JARID2: variants seen among roughly 807,000 people sequenced by gnomAD.
JARID2 encodes jumonji and AT-rich interaction domain containing 2.
In JARID2, 21 loss-of-function variants were observed where a neutral mutation model predicts 125.6. That is an observed-to-expected ratio of 0.17 (90% CI 0.12 to 0.24). The LOEUF is 0.24. JARID2 is among the 10% of genes least tolerant of loss of function. The probability of loss-of-function intolerance (pLI) is 1.00; values close to 1 mark genes in which losing one functional copy is unlikely to be tolerated. For synonymous variants in JARID2, 736 were observed against 661.6 expected (o/e 1.11, Z -1.73); for missense variants, 1,303 against 1,639.6 (o/e 0.79, Z 3.55).
intron 2 of JARID2, among the ~76,000 whole-genome samples, chr6:15,387,490 C>T (rs532881670): frequency 1.3e-5 from 2 of 152,222 alleles, no homozygotes; most frequent in South Asian, 4.2e-4. Context: ...GGACTCCAGC[C>T]CTCTCAGGTC....
intron 16 of JARID2, 57 bp downstream of exon 16, chr6:15,513,479 C>T (rs1435280806): frequency 1.5e-5 from 22 of 1,495,736 alleles, no homozygotes; most frequent in African/African-American, 2.8e-5. Flanking sequence ...CTGAGAGCTC[C>T]GGGGTTGCCC....
intron 1 of JARID2, among the ~76,000 whole-genome samples, chr6:15,275,524 G>GC (rs1364021178): frequency 0.021 from 141 of 6,754 alleles, 4 homozygotes; most frequent in African/African-American, 0.023. Context: ...TCCATTTACC[G>GC]CCCCCCCCGC....
At chr6:15,484,940 T>G (rs1011119905) in intron 5 of JARID2, among the ~76,000 whole-genome samples, 2 of 152,240 alleles carry the variant, frequency 1.3e-5, no homozygotes, top group African/African-American at 2.4e-5. Context: ...ATTGCCTAGA[T>G]TCATGTTCCC....
intron 1 of JARID2, among the ~76,000 whole-genome samples, chr6:15,332,350 A>G (rs1762737272): frequency 6.6e-6 from 1 of 152,230 alleles, no homozygotes; most frequent in African/African-American, 2.4e-5. Context: ...ATGAATTAGA[A>G]TATATCATGT....
At chr6:15,260,631 G>A (rs760710706) in intron 1 of JARID2, among the ~76,000 whole-genome samples, 6 of 152,154 alleles carry the variant, frequency 3.9e-5, no homozygotes, top group Non-Finnish European at 7.3e-5. Context: ...AACTTGCAAA[G>A]CTTCATGTTC....
intron 4 of JARID2, 109 bp downstream of exon 4, chr6:15,452,284 C>A: frequency 6.9e-7 from 1 of 1,459,400 alleles, no homozygotes; most frequent in Non-Finnish European, 9.0e-7. Context: ...TTTTTCTGTC[C>A]CCAACCTGGG....
chr6:15,276,975 C>G (rs1287591230), intron 1 of JARID2, among the ~76,000 whole-genome samples: 2 of 152,200 alleles, frequency 1.3e-5, no homozygotes, highest in African/African-American at 4.8e-5. Flanking sequence ...AAGGCGAAAG[C>G]TTGTTACCAT....
At chr6:15,369,979 C>A (rs1444594053) in intron 1 of JARID2, among the ~76,000 whole-genome samples, 2 of 152,120 alleles carry the variant, frequency 1.3e-5, no homozygotes, top group African/African-American at 4.8e-5. Context: ...GGCTGAGCCC[C>A]TTGGGATTAG....
intron 2 of JARID2, among the ~76,000 whole-genome samples, chr6:15,388,119 CT>C (rs1764858186): frequency 6.6e-6 from 1 of 152,222 alleles, no homozygotes; most frequent in African/African-American, 2.4e-5. Context: ...TCTTCGAATT[CT>C]GTGATATGTG....
At chr6:15,314,272 A>G (rs1022695732) in intron 1 of JARID2, among the ~76,000 whole-genome samples, 3 of 152,158 alleles carry the variant, frequency 2.0e-5, no homozygotes, top group African/African-American at 4.8e-5. Flanking sequence ...CACTACTTCA[A>G]ATACTTTGTT....
chr6:15,496,629 A>G lies in JARID2; in HGVS notation c.1404A>G (p.Glu468=). Reference sequence around the variant, plus strand: ...TGAAAGGGGCGGCTGGCCCCGCCGAAGGCCCTGGCAAGAAGGCCCCGGCCG... The same window carrying G: ...TGAAAGGGGCGGCTGGCCCCGCCGAGGGCCCTGGCAAGAAGGCCCCGGCCG... The part of the protein sequence containing the change: ...KKMKGAAGPA[E]GPGKKAPAER... Residue 468 remains glutamate (E), a synonymous_variant, in exon 7 of 18, where the codon GAA becomes GAG. Coordinates refer to ENST00000341776, the MANE Select transcript of JARID2 (RefSeq NM_004973.4). 6.2e-7 allele frequency: 1 copy of G among 1,608,776 alleles called. No homozygotes were observed. The highest frequency in any genetic ancestry group is 8.5e-7 in the Non-Finnish European group (1 of 1,178,628).
At chr6:15,366,310 T>G (rs78178303) in intron 1 of JARID2, among the ~76,000 whole-genome samples, 1,604 of 152,038 alleles carry the variant, frequency 0.011, 20 homozygotes, top group Non-Finnish European at 0.014. Context: ...TGGGCCTAGT[T>G]TTTTAGAATG....
intron 12 of JARID2, chr6:15,508,993 T>A (rs1241805754): frequency 7.8e-7 from 1 of 1,289,234 alleles, no homozygotes; most frequent in African/African-American, 1.5e-5. Context: ...TTTCCTCATC[T>A]ATCGGTGGCT....
chr6:15,452,956 A>G (rs990308313), intron 4 of JARID2, among the ~76,000 whole-genome samples: 1 of 152,220 alleles, frequency 6.6e-6, no homozygotes, highest in Non-Finnish European at 1.5e-5. Flanking sequence ...GCTATTGGAC[A>G]TCTGTGGGAA....
chr6:15,248,097 G>C (rs1759255081), intron 1 of JARID2: 15 of 985,342 alleles, frequency 1.5e-5, no homozygotes, highest in Non-Finnish European at 1.8e-5. Context: ...TCAGCGGATC[G>C]TGTCTCCGAG....
chr6:15,284,067 C>A (rs189113291), intron 1 of JARID2, among the ~76,000 whole-genome samples: 1 of 152,122 alleles, frequency 6.6e-6, no homozygotes, highest in African/African-American at 2.4e-5. Flanking sequence ...TTCTGTAGTT[C>A]AGTTTGGTTT....
intron 3 of JARID2, among the ~76,000 whole-genome samples, chr6:15,446,950 G>T (rs75774976): frequency 6.6e-6 from 1 of 152,144 alleles, no homozygotes; most frequent in Non-Finnish European, 1.5e-5. Flanking sequence ...GTGACCCAGG[G>T]TGGGTCTCAC....
At chr6:15,323,564 G>A (rs1011649136) in intron 1 of JARID2, among the ~76,000 whole-genome samples, 2 of 152,102 alleles carry the variant, frequency 1.3e-5, no homozygotes, top group Non-Finnish European at 2.9e-5. Flanking sequence ...TAGGGGTTTG[G>A]ACTTAAGCAT....
At chr6:15,450,492 T>G (rs1238402086) in intron 3 of JARID2, among the ~76,000 whole-genome samples, 3 of 152,164 alleles carry the variant, frequency 2.0e-5, no homozygotes, top group Admixed American at 6.5e-5. Flanking sequence ...TATTAGTTAA[T>G]TGTCTTGAGT....
Sources: gnomAD v4.1 joint callset for allele counts (sites outside exome capture counted in the v4.1 genomes callset) on GRCh38, gnomAD v4.1.1 for gene constraint, MANE v1.5 for transcripts, NCBI Gene and HGNC (gene_info 2026-07-23, HGNC 2026-07-21) for gene names.